The following WDR44 variants were observed in gnomAD, a reference collection of about 807,000 sequenced individuals.
The protein encoded by WDR44 is WD repeat-containing protein 44.
Under a neutral mutation model 65.7 loss-of-function variants are expected in WDR44, and 9 were observed. The observed-to-expected ratio is 0.14, with a 90% CI of 0.08 to 0.24. WDR44 has a LOEUF of 0.24. WDR44 is among the 10% of genes least tolerant of loss of function. The pLI, the probability that WDR44 is intolerant of heterozygous loss-of-function variation, is 1.00. For synonymous variants in WDR44, 220 were observed against 235.2 expected (o/e 0.94, Z 0.59); for missense variants, 425 against 670.9 (o/e 0.63, Z 4.05).
At chrX:118,409,654 C>T (rs2056996548) in intron 11 of WDR44, 27 bp downstream of exon 11, 1 of 1,154,328 alleles carries the variant, frequency 8.7e-7, no homozygotes, top group Non-Finnish European at 1.2e-6. Flanking sequence ...TAAAAATCTA[C>T]AGAAACCTGA....
Position 118,444,374 on chromosome X carries a change from G to A in WDR44, c.2527G>A (p.Val843Ile), listed in dbSNP as rs781387991. ...WEGIKAHNAV[V>I]TSAIFAPNPS... ...TTTTTCCACAGCCCACAATGCAGTT[G>A]TTACATCAGCCATCTTTGCACCAAA... Residue 843 changes from valine to isoleucine, a missense_variant, in exon 19 of 20, where the codon GTT (valine) becomes ATT (isoleucine). Val to Ile is a conservative substitution (Grantham distance 29). Around this residue, in one of 5 missense-constraint regions of WDR44, gnomAD observed 73 missense variants for 187.4 expected, o/e 0.39. Transcript: ENST00000254029. The A allele has an allele frequency of 5.0e-6, 6 of 1,209,812 alleles. No homozygotes were observed. The highest frequency in any genetic ancestry group is 6.7e-6 in the Non-Finnish European group (6 of 894,528).
intron 1 of WDR44, among the ~76,000 whole-genome samples, chrX:118,365,976 C>T (rs2056549706): frequency 8.9e-6 from 1 of 111,818 alleles, no homozygotes; most frequent in African/African-American, 3.3e-5. Flanking sequence ...CCTGATTCTT[C>T]AAAGGTTTTA....
At chrX:118,441,581 A>G in intron 15 of WDR44, 22 bp downstream of exon 15, 1 of 1,169,020 alleles carries the variant, frequency 8.6e-7, no homozygotes, top group Non-Finnish European at 1.2e-6. Flanking sequence ...TTTTTTGTAA[A>G]TTATATAATT....
chrX:118,349,129 C>T (rs1024627286), intron 1 of WDR44, among the ~76,000 whole-genome samples: 2 of 112,208 alleles, frequency 1.8e-5, no homozygotes, highest in Non-Finnish European at 3.8e-5. Flanking sequence ...AATTCCAGTA[C>T]AGCCTACTTT....
At position 118,393,021 on chromosome X, in the gene WDR44, T is replaced by C; in HGVS notation, c.576T>C (p.Pro192=). 8.3e-7 allele frequency: 1 copy of C among 1,211,935 alleles called. No homozygotes were observed. Among genetic ancestry groups the C allele is most frequent in the Non-Finnish European group, 1.1e-6 (1 of 895,569 alleles). ...AAGGAGGTGGTGATGTTTTAGAGCC[T>C]GTGTCCTCAGACTCCTTATCTACTA... ...EVKGGGDVLE[P]VSSDSLSTKD... The change falls in exon 4 of 20, where the codon CCT becomes CCC. Residue 192 remains proline, a synonymous_variant. Coordinates refer to ENST00000254029, the MANE Select transcript of WDR44 (RefSeq NM_019045.5).
intron 10 of WDR44, among the ~76,000 whole-genome samples, chrX:118,408,596 G>T (rs988167083): frequency 9.0e-6 from 1 of 110,839 alleles, no homozygotes; most frequent in Non-Finnish European, 1.9e-5. Flanking sequence ...ATGGGGTTTC[G>T]CCATGTTGCC....
At chrX:118,363,268 GGCAGGCACTT>G (rs1251840235) in intron 1 of WDR44, among the ~76,000 whole-genome samples, 2 of 107,388 alleles carry the variant, frequency 1.9e-5, no homozygotes, top group African/African-American at 6.8e-5. Flanking sequence ...CGGGCGTGGT[GGCAGGCACTT>G]GCAATCCCAG....
At chrX:118,357,157 T>C (rs1203852023) in intron 1 of WDR44, among the ~76,000 whole-genome samples, 1 of 111,218 alleles carries the variant, frequency 9.0e-6, no homozygotes, top group Non-Finnish European at 1.9e-5. Flanking sequence ...AGAAAAAGAA[T>C]GTAGAAGTAG....
intron 12 of WDR44, among the ~76,000 whole-genome samples, chrX:118,431,762 C>T (rs2057213463): frequency 8.9e-6 from 1 of 112,086 alleles, no homozygotes; most frequent in African/African-American, 3.2e-5. Flanking sequence ...TCATGTAAAA[C>T]ATTTGAAGGA....
At chrX:118,396,654 C>T (rs1415386373) in intron 6 of WDR44, among the ~76,000 whole-genome samples, 2 of 111,451 alleles carry the variant, frequency 1.8e-5, no homozygotes, top group Admixed American at 9.6e-5. Flanking sequence ...TTGCCAGGGG[C>T]TAAAAAGAAA....
In WDR44 at chrX:118,369,453, G is replaced by A. The variant is rs758980029; in HGVS notation, c.78-8966G>A. On this transcript the variant is annotated intron_variant, in intron 1 of 19. Transcript: ENST00000254029. Reference sequence around the variant, plus strand: ...CCCAAAGTGCTGGGATTACAGGTGTGAGCCACCACGCCCGGCCTTTTTTTT... The same window carrying A: ...CCCAAAGTGCTGGGATTACAGGTGTAAGCCACCACGCCCGGCCTTTTTTTT... Among the ~76,000 whole-genome samples, 430 of 98,816 alleles carry A rather than the reference G, an allele frequency of 4.4e-3. 1 individual carries two copies. Among genetic ancestry groups the A allele is most frequent in the African/African-American group, 0.015 (407 of 26,762 alleles). The allele number at this position is 98,816 out of a possible 115,157, so 85.8% of individuals were successfully genotyped here.
At chrX:118,443,750 G>T in intron 18 of WDR44, 63 bp downstream of exon 18, 1 of 1,097,767 alleles carries the variant, frequency 9.1e-7, no homozygotes. Context: ...ATATATACTA[G>T]AAGTAAATTC....
At chrX:118,358,771 T>C (rs1292810441) in intron 1 of WDR44, among the ~76,000 whole-genome samples, 2 of 110,736 alleles carry the variant, frequency 1.8e-5, no homozygotes, top group Non-Finnish European at 3.8e-5. Context: ...TTTAGGTAAC[T>C]TACAAAACCA....
At chrX:118,420,406 C>T in intron 12 of WDR44, among the ~76,000 whole-genome samples, 1 of 110,622 alleles carries the variant, frequency 9.0e-6, no homozygotes, top group South Asian at 3.9e-4. Flanking sequence ...GCACTCACCA[C>T]CATGCCCAGC....
chrX:118,368,459 C>CTATATATATATATACATATATATA (rs1354806196), intron 1 of WDR44, among the ~76,000 whole-genome samples: 13 of 72,885 alleles, frequency 1.8e-4, no homozygotes, highest in Non-Finnish European at 1.6e-4. Flanking sequence ...GAAATAGTGA[C>CTATATATATATATACATATATATA]TATATATATA....
At chrX:118,439,067 TGAG>T (rs1211757364) in intron 14 of WDR44, among the ~76,000 whole-genome samples, 1 of 108,657 alleles carries the variant, frequency 9.2e-6, no homozygotes, top group East Asian at 3.0e-4. Flanking sequence ...ATTACAGACG[TGAG>T]CCACTGCGCC....
chrX:118,438,797 GTTTTTTTTT>G (rs1213083479), intron 14 of WDR44, among the ~76,000 whole-genome samples: 1 of 64,071 alleles, frequency 1.6e-5, no homozygotes, highest in Non-Finnish European at 2.9e-5. Flanking sequence ...GTTCAGCCAT[GTTTTTTTTT>G]TTTTTTTTTT....
intron 14 of WDR44, among the ~76,000 whole-genome samples, chrX:118,437,263 A>G (rs998389074): frequency 3.6e-5 from 4 of 111,943 alleles, no homozygotes; most frequent in African/African-American, 1.3e-4. Flanking sequence ...GTTAGTCTTG[A>G]TATCCCTTCT....
In WDR44 at chrX:118,447,875, AATATATATATATATATAT is replaced by A. The variant is rs10570740; in HGVS notation, c.2648-996_2648-979del. ...TGCAACAGAGTGAGACTCTATCTAA[AATATATATATATATATAT>A]ATATATATATATATATATATACTTG... On this transcript the variant is annotated intron_variant, in intron 19 of 19. Transcript: ENST00000254029. Among the ~76,000 whole-genome samples the A allele has an allele frequency of 3.1e-3, 171 of 54,787 alleles. 4 individuals carry two copies. In the South Asian group the frequency reaches 0.048, roughly 15 times the overall value. 47.6% of individuals were successfully genotyped at this position (54,787 alleles called of 115,157 possible). A position where few individuals can be genotyped will look rare whatever the true frequency, so the allele number is the denominator to read the frequency against.
Sources: allele counts gnomAD v4.1 joint callset (sites outside exome capture counted in the v4.1 genomes callset), GRCh38; gene constraint gnomAD v4.1.1; regional missense constraint gnomAD v4.1.1; transcripts MANE v1.5; gene names NCBI Gene and HGNC (gene_info 2026-07-23, HGNC 2026-07-21).